Variants in CHSY3 observed in about 807,000 individuals in gnomAD.
The protein encoded by CHSY3 is N-acetylgalactosaminyl-proteoglycan 3-beta-glucuronosyltransferase 3.
Under a neutral mutation model 67.2 loss-of-function variants are expected in CHSY3, and 35 were observed. The observed-to-expected ratio is 0.52, with a 90% CI of 0.40 to 0.69. CHSY3 has a LOEUF of 0.69. Ranked by LOEUF, CHSY3 falls within the 30% of genes least tolerant of loss-of-function variation. The pLI, the probability that CHSY3 is intolerant of heterozygous loss-of-function variation, is 0.00. For missense variants in CHSY3, 1,069 were observed against 1,138.5 expected (o/e 0.94, Z 0.88); for synonymous variants, 474 against 434.7 (o/e 1.09, Z -1.12).
intron 2 of CHSY3, among the ~76,000 whole-genome samples, chr5:130,111,589 C>T (rs1447055598): frequency 6.6e-6 from 1 of 152,030 alleles, no homozygotes; most frequent in Non-Finnish European, 1.5e-5. Flanking sequence ...TAGGTTAAGG[C>T]AATAATTTCC....
At chr5:130,036,778 G>A (rs1764873562) in intron 2 of CHSY3, among the ~76,000 whole-genome samples, 1 of 152,148 alleles carries the variant, frequency 6.6e-6, no homozygotes, top group Non-Finnish European at 1.5e-5. Flanking sequence ...TTTGAAACCA[G>A]CTCTGTGTGT....
chr5:129,971,016 A>G (rs888467582), intron 2 of CHSY3, among the ~76,000 whole-genome samples: 3 of 151,916 alleles, frequency 2.0e-5, no homozygotes, highest in African/African-American at 7.2e-5. Context: ...CTATAAATGT[A>G]TGCTCAGCAC....
chr5:129,972,368 T>C (rs1223372763), intron 2 of CHSY3, among the ~76,000 whole-genome samples: 1 of 152,014 alleles, frequency 6.6e-6, no homozygotes, highest in African/African-American at 2.4e-5. Flanking sequence ...CTTCCTGCTT[T>C]CTATTTGTAG....
intron 2 of CHSY3, among the ~76,000 whole-genome samples, chr5:129,952,967 G>A (rs900335948): frequency 1.3e-5 from 2 of 152,096 alleles, no homozygotes; most frequent in African/African-American, 2.4e-5. Flanking sequence ...TGAAAATTGT[G>A]TAGTATCCTA....
intron 2 of CHSY3, among the ~76,000 whole-genome samples, chr5:130,015,577 C>T (rs963256399): frequency 2.6e-5 from 4 of 151,956 alleles, no homozygotes; most frequent in African/African-American, 4.8e-5. Flanking sequence ...TATTAAAAAG[C>T]CAAAAATTAA....
chr5:130,040,433 T>C (rs1235281056), intron 2 of CHSY3, among the ~76,000 whole-genome samples: 1 of 152,102 alleles, frequency 6.6e-6, no homozygotes, highest in Non-Finnish European at 1.5e-5. Flanking sequence ...TGTTCATACA[T>C]GTAATAATAT....
chr5:129,971,846 C>A (rs1762648088), intron 2 of CHSY3, among the ~76,000 whole-genome samples: 2 of 152,004 alleles, frequency 1.3e-5, no homozygotes, highest in East Asian at 3.9e-4. Context: ...TAAAATTAGA[C>A]ATGAGACTTG....
At chr5:129,909,228 G>A (rs991887857) in intron 2 of CHSY3, among the ~76,000 whole-genome samples, 1 of 151,964 alleles carries the variant, frequency 6.6e-6, no homozygotes, top group African/African-American at 2.4e-5. Flanking sequence ...TTAAAATAAT[G>A]TATTGTTTTT....
At chr5:130,064,052 T>C (rs1050630837) in intron 2 of CHSY3, among the ~76,000 whole-genome samples, 13 of 152,086 alleles carry the variant, frequency 8.5e-5, no homozygotes, top group African/African-American at 3.1e-4. Flanking sequence ...TGGACTAAGT[T>C]TGCCTTCCTA....
chr5:130,143,782 G>GTATATA (rs1264246823), intron 2 of CHSY3, among the ~76,000 whole-genome samples: 3 of 32,352 alleles, frequency 9.3e-5, no homozygotes, highest in Admixed American at 3.7e-4. Flanking sequence ...ATATATATAT[G>GTATATA]TGTATATATA....
At chr5:130,076,432 AG>A (rs1241372061) in intron 2 of CHSY3, among the ~76,000 whole-genome samples, 1 of 151,808 alleles carries the variant, frequency 6.6e-6, no homozygotes, top group East Asian at 1.9e-4. Context: ...TTAGTTTATA[AG>A]GCCATAAAGA....
At chr5:129,970,447 T>TAGAC (rs879669764) in intron 2 of CHSY3, among the ~76,000 whole-genome samples, 1,399 of 123,680 alleles carry the variant, frequency 0.011, 24 homozygotes, top group African/African-American at 0.038. Context: ...GATAGATAGA[T>TAGAC]AGACAGACAG....
chr5:130,177,776 A>C (rs771067140), intron 2 of CHSY3, among the ~76,000 whole-genome samples: 2 of 152,108 alleles, frequency 1.3e-5, no homozygotes, highest in Non-Finnish European at 2.9e-5. Flanking sequence ...TGAATTTGGA[A>C]ACTCAAGCCC....
chr5:130,036,798 G>A (rs1379060920), intron 2 of CHSY3, among the ~76,000 whole-genome samples: 2 of 152,046 alleles, frequency 1.3e-5, no homozygotes, highest in Non-Finnish European at 2.9e-5. Context: ...TGTGGCTGTG[G>A]GTGGGTGTTT....
intron 2 of CHSY3, among the ~76,000 whole-genome samples, chr5:129,937,023 C>A (rs746363727): frequency 6.6e-6 from 1 of 152,164 alleles, no homozygotes; most frequent in African/African-American, 2.4e-5. Context: ...ATTTGGAGTT[C>A]TCTCTCTTTC....
intron 2 of CHSY3, among the ~76,000 whole-genome samples, chr5:130,053,367 T>A (rs2286395): frequency 0.46 from 70,224 of 151,770 alleles, 16,650 homozygotes; most frequent in African/African-American, 0.56. Context: ...AAGCAAAAGC[T>A]ATATAGGGTG....
intron 2 of CHSY3, among the ~76,000 whole-genome samples, chr5:130,085,299 A>C (rs902820865): frequency 2.0e-5 from 3 of 152,106 alleles, no homozygotes; most frequent in African/African-American, 7.2e-5. Context: ...AAATAATGAT[A>C]TGAATATGAG....
intron 2 of CHSY3, among the ~76,000 whole-genome samples, chr5:129,983,685 C>T (rs1763088306): frequency 6.6e-6 from 1 of 151,912 alleles, no homozygotes; most frequent in African/African-American, 2.4e-5. Context: ...TTAGGATGCT[C>T]AGGTACATAC....
In CHSY3 at chr5:129,997,587, C is replaced by G. The variant is rs1274893669; in HGVS notation, c.1086+89227C>G. On this transcript the variant is annotated intron_variant, in intron 2 of 2. Transcript: ENST00000305031. The stretch of plus-strand genomic sequence containing the variant: ...GTTTGTTACATAGATATACATGTGC[C>G]ATGTTGGTTTGCTGCACCCATCAAC... 2.0e-5 allele frequency among the ~76,000 whole-genome samples: 3 copies of G among 151,964 alleles called. No homozygotes were observed. The East Asian group carries it at 5.8e-4, about 29-fold the overall frequency.
Sources: gnomAD v4.1 joint callset for allele counts (sites outside exome capture counted in the v4.1 genomes callset) on GRCh38, gnomAD v4.1.1 for gene constraint, MANE v1.5 for transcripts, NCBI Gene and HGNC (gene_info 2026-07-23, HGNC 2026-07-21) for gene names.